Variants in ATP11C observed in about 807,000 individuals in gnomAD.
ATP11C encodes the protein ATPase phospholipid transporting 11C (ATP11C blood group).
Under a neutral mutation model 97.4 loss-of-function variants are expected in ATP11C, and 36 were observed. That is an observed-to-expected ratio of 0.37 (90% CI 0.28 to 0.49). The LOEUF is 0.49. ATP11C is among the 20% of genes least tolerant of loss of function. ATP11C has a pLI of 0.98. For missense variants in ATP11C, 730 were observed against 824.6 expected, an observed-to-expected ratio of 0.89 and a Z score of 1.40; for synonymous variants, 275 against 290.9, an observed-to-expected ratio of 0.95 and a Z score of 0.56.
At chrX:139,812,718 C>T (rs1426008424) in intron 5 of ATP11C, among the ~76,000 whole-genome samples, 1 of 110,315 alleles carries the variant, frequency 9.1e-6, no homozygotes, top group Admixed American at 9.6e-5. Context: ...CAGGGTTTTG[C>T]CATGTTGCCC....
chrX:139,745,980 G>A (rs2081676095), intron 24 of ATP11C, 123 bp from the exon 25 acceptor site: 3 of 775,068 alleles, frequency 3.9e-6, no homozygotes, highest in Non-Finnish European at 5.5e-6. Context: ...TTAATGGCCT[G>A]ACAGATTTTT....
intron 1 of ATP11C, among the ~76,000 whole-genome samples, chrX:139,870,067 A>G (rs1266340312): frequency 1.8e-5 from 2 of 111,231 alleles, no homozygotes; most frequent in African/African-American, 6.5e-5. Flanking sequence ...ATGTTCTTAC[A>G]ACAACAAACC....
intron 23 of ATP11C, among the ~76,000 whole-genome samples, chrX:139,754,319 G>T (rs1335979285): frequency 9.0e-6 from 1 of 110,670 alleles, no homozygotes; most frequent in Non-Finnish European, 1.9e-5. Context: ...GACCAATAAT[G>T]ACTTCAAAAA....
chrX:139,801,426 T>C (rs2082924637), intron 7 of ATP11C, among the ~76,000 whole-genome samples: 1 of 111,854 alleles, frequency 8.9e-6, no homozygotes, highest in Admixed American at 9.5e-5. Context: ...GGGAGGTCAT[T>C]GTTCTTGAAG....
At position 139,907,026 on chromosome X, in the gene ATP11C, C is replaced by T. The variant is rs781720391; in HGVS notation, c.27+24990G>A. Among the ~76,000 whole-genome samples the T allele has an allele frequency of 3.6e-5, 4 of 111,513 alleles. No individual in the cohort carries two copies. The South Asian group carries it at 1.5e-3, about 42-fold the overall frequency. Reference sequence around the variant, plus strand: ...CATTTGGGGATTTATTCAAATGACACCTTCTCAGTGAGGCCTTCTTCACCC... The same window carrying T: ...CATTTGGGGATTTATTCAAATGACATCTTCTCAGTGAGGCCTTCTTCACCC... On this transcript the variant is annotated intron_variant, in intron 1 of 29. Transcript: ENST00000682941.
chrX:139,815,875 T>C (rs2083279998), intron 4 of ATP11C, among the ~76,000 whole-genome samples: 1 of 111,110 alleles, frequency 9.0e-6, no homozygotes, highest in East Asian at 2.8e-4. Context: ...ATAGAGTACA[T>C]TTTGTGATGC....
rs187495995 is a variant in ATP11C at position 139,755,930 on chromosome X, G to C, written c.2700+1878C>G. 8.9e-5 allele frequency among the ~76,000 whole-genome samples: 10 copies of C among 112,231 alleles called. No homozygotes were observed. The East Asian group carries it at 2.2e-3, about 25-fold the overall frequency. ...CACAGGAGCTGGCAAAGATTTCATC[G>C]CAAAGATGCTGAAAGCAATAGCAAC... is the stretch of plus-strand genomic sequence containing the variant. On this transcript the variant is annotated intron_variant, in intron 23 of 29. Transcript: ENST00000682941.
At chrX:139,845,293 A>G (rs180741675) in intron 1 of ATP11C, among the ~76,000 whole-genome samples, 1 of 112,315 alleles carries the variant, frequency 8.9e-6, no homozygotes, top group African/African-American at 3.2e-5. Context: ...CCAGAGGGCA[A>G]CGTGGAACAG....
chrX:139,856,016 TAAAAC>T (rs2084084776), intron 1 of ATP11C, among the ~76,000 whole-genome samples: 1 of 112,417 alleles, frequency 8.9e-6, no homozygotes, highest in African/African-American at 3.2e-5. Flanking sequence ...GTTAAAGACT[TAAAAC>T]AAACTTTGGC....
At chrX:139,858,067 T>C (rs2084122197) in intron 1 of ATP11C, among the ~76,000 whole-genome samples, 1 of 112,882 alleles carries the variant, frequency 8.9e-6, no homozygotes, top group Non-Finnish European at 1.9e-5. Context: ...TCTTGCCCTC[T>C]TGCTCTCTCA....
In ATP11C at chrX:139,774,777, C is replaced by T. The variant is rs2082318235; in HGVS notation, c.2129G>A (p.Arg710Lys). The change falls in exon 19 of 30, where the codon AGG (arginine) becomes AAG (lysine). Residue 710 changes from arginine (R) to lysine (K), a missense_variant. Arg to Lys is a conservative substitution (Grantham distance 26). Transcript: ENST00000682941. ...LTTKTIEESE[R>K]KEDRLHELLI... ...TAATTCATGTAATCGATCTTCTTTC[C>T]TTTCACTTTCTTCAATGGTTTTTGT... 13 of 1,210,879 alleles carry T rather than the reference C, an allele frequency of 1.1e-5. No individual in the cohort carries two copies. Among genetic ancestry groups the T allele is most frequent in the Non-Finnish European group, 1.5e-5 (13 of 894,878 alleles).
Position 139,824,123 on chromosome X carries a change from C to CAA in ATP11C, c.147+2579_147+2580dup, listed in dbSNP as rs774186718. 7.1e-3 allele frequency among the ~76,000 whole-genome samples: 422 copies of CAA among 59,231 alleles called. 3 individuals carry two copies. Among genetic ancestry groups the CAA allele is most frequent in the African/African-American group, 0.013 (217 of 17,218 alleles). 51.4% of individuals were successfully genotyped at this position (59,231 alleles called of 115,157 possible). On this transcript the variant is annotated intron_variant, in intron 2 of 29. Coordinates refer to ENST00000682941, the MANE Select transcript of ATP11C (RefSeq NM_001353812.2). Reference sequence around the variant, plus strand: ...GAAACCCCGTCTCTACTAAAAATACCAAAAAAAAAAAAAAAAAAATTAATT... The same window carrying CAA: ...GAAACCCCGTCTCTACTAAAAATACCAAAAAAAAAAAAAAAAAAAAATTAATT...
intron 1 of ATP11C, among the ~76,000 whole-genome samples, chrX:139,894,292 G>GT (rs1326395214): frequency 8.9e-6 from 1 of 112,263 alleles, no homozygotes; most frequent in Non-Finnish European, 1.9e-5. Flanking sequence ...TTTATCCCTA[G>GT]TATCACACAA....
intron 22 of ATP11C, among the ~76,000 whole-genome samples, chrX:139,760,194 T>A (rs2082008608): frequency 8.9e-6 from 1 of 112,208 alleles, no homozygotes; most frequent in South Asian, 3.7e-4. Context: ...TTTCCATGTA[T>A]TTTAAATGGA....
At chrX:139,883,685 T>C (rs777964964) in intron 1 of ATP11C, among the ~76,000 whole-genome samples, 1 of 111,261 alleles carries the variant, frequency 9.0e-6, no homozygotes, top group South Asian at 3.9e-4. Flanking sequence ...CCTAAAATGA[T>C]GTACAAAGTA....
intron 25 of ATP11C, among the ~76,000 whole-genome samples, chrX:139,745,035 T>A (rs934615160): frequency 5.4e-5 from 6 of 111,741 alleles, no homozygotes; most frequent in African/African-American, 1.9e-4. Context: ...AAAAGAAGAA[T>A]CTCAGAAATA....
In ATP11C at chrX:139,789,488, C is replaced by T; in HGVS notation, c.1207G>A (p.Val403Met). Residue 403 changes from valine (V) to methionine (M), a missense_variant and splice_region_variant, in exon 13 of 30, where the codon GTG (valine) becomes ATG (methionine). Coordinates refer to ENST00000682941, the MANE Select transcript of ATP11C (RefSeq NM_001353812.2). ...GTCTTATCTGTAAATACATAATCCACCTAAAACAAGGACACAAACATATAT... is the reference window on the plus strand; with the variant it reads ...GTCTTATCTGTAAATACATAATCCATCTAAAACAAGGACACAAACATATAT... ...TSDLNEELGQ[V>M]DYVFTDKTGT... The T allele has an allele frequency of 8.5e-7, 1 of 1,176,463 alleles. No individual in the cohort carries two copies. The highest frequency in any genetic ancestry group is 1.1e-6 in the Non-Finnish European group (1 of 877,833).
intron 15 of ATP11C, 60 bp downstream of exon 15, chrX:139,787,113 T>A: frequency 8.3e-7 from 1 of 1,199,048 alleles, no homozygotes; most frequent in Admixed American, 2.2e-5. Context: ...CCTGCCTGAA[T>A]CCACTTAAAT....
chrX:139,818,514 C>T (rs1329083334), intron 3 of ATP11C, among the ~76,000 whole-genome samples: 1 of 111,729 alleles, frequency 9.0e-6, no homozygotes, highest in African/African-American at 3.3e-5. Context: ...ACCATAGATC[C>T]AGAGGAGCTC....
Sources: gnomAD v4.1 joint callset for allele counts (sites outside exome capture counted in the v4.1 genomes callset) on GRCh38, gnomAD v4.1.1 for gene constraint, MANE v1.5 for transcripts, NCBI Gene and HGNC (gene_info 2026-07-23, HGNC 2026-07-21) for gene names.